Variants in SLC26A8 observed in about 807,000 individuals in gnomAD.
SLC26A8 encodes solute carrier family 26 member 8, also known as testis anion transporter 1.
A neutral mutation model predicts 105.0 loss-of-function variants in SLC26A8; 70 were observed. That is an observed-to-expected ratio of 0.67 (90% CI 0.55 to 0.81). The LOEUF (loss-of-function observed/expected upper bound fraction) is 0.81. Among genes scored for constraint, SLC26A8 ranks in the 40% least tolerant of loss-of-function variants. The pLI is 0.00. For missense variants in SLC26A8, 998 were observed against 1,181.8 expected (o/e 0.84, Z 2.28); for synonymous variants, 415 against 438.3 (o/e 0.95, Z 0.66).
chr6:35,964,646 CA>C (rs35623179), intron 11 of SLC26A8, among the ~76,000 whole-genome samples: 72 of 137,316 alleles, frequency 5.2e-4, no homozygotes, highest in Middle Eastern at 3.8e-3. Context: ...GACTCTGTCT[CA>C]AAAAAAAAAA....
At chr6:35,947,906 G>A (rs942885571) in intron 19 of SLC26A8, among the ~76,000 whole-genome samples, 3 of 152,176 alleles carry the variant, frequency 2.0e-5, no homozygotes, top group Non-Finnish European at 2.9e-5. Flanking sequence ...ACTTCAGCCT[G>A]GGTGACAGAG....
Position 36,024,570 on chromosome 6 carries a change from C to T in SLC26A8, c.-69G>A, listed in dbSNP as rs1283372108. 5.3e-6 allele frequency: 2 copies of T among 374,012 alleles called. No homozygotes were observed. The highest frequency in any genetic ancestry group is 3.5e-5 in the Admixed American group (1 of 28,620). 23.2% of individuals were successfully genotyped at this position (374,012 alleles called of 1,614,324 possible). ...CACACGGCTCTCGCCTGGCTGGCGG[C>T]GCTGCGGACGCGGATACCGGCGGCG... On this transcript the variant is annotated 5_prime_UTR_variant, in exon 1 of 20. Transcript: ENST00000490799.
At chr6:35,984,579 C>A (rs1019317250) in intron 7 of SLC26A8, among the ~76,000 whole-genome samples, 35 of 152,102 alleles carry the variant, frequency 2.3e-4, no homozygotes, top group African/African-American at 8.0e-4. Context: ...CTGCCTCTGC[C>A]TCCCAAAGTG....
chr6:35,951,100 C>CACCCAACCCCCCCCAGCCCACAA, intron 19 of SLC26A8, 63 bp downstream of exon 19: 5 of 1,364,756 alleles, frequency 3.7e-6, no homozygotes, highest in Non-Finnish European at 5.1e-6. Flanking sequence ...AACCACCCCT[C>CACCCAACCCCCCCCAGCCCACAA]ACCCATCCCC....
At chr6:36,018,085 A>C (rs1762040439) in intron 2 of SLC26A8, among the ~76,000 whole-genome samples, 1 of 152,244 alleles carries the variant, frequency 6.6e-6, no homozygotes, top group South Asian at 2.1e-4. Flanking sequence ...TGAAAATGTA[A>C]AGTGGTGCAG....
At chr6:35,984,319 A>ATTTTTTTT (rs59314649) in intron 7 of SLC26A8, among the ~76,000 whole-genome samples, 2 of 116,548 alleles carry the variant, frequency 1.7e-5, no homozygotes, top group African/African-American at 3.2e-5. Flanking sequence ...TCTTCTTCTT[A>ATTTTTTTT]TTTTTTTTTT....
At position 35,995,568 on chromosome 6, in the gene SLC26A8, C is replaced by T. The variant is rs201093002; in HGVS notation, c.627+2170G>A. On this transcript the variant is annotated intron_variant, in intron 5 of 19. Coordinates refer to ENST00000490799, the MANE Select transcript of SLC26A8 (RefSeq NM_052961.4). Reference sequence around the variant, plus strand: ...ACTGAATCCCAGTTTGGTGTCTTAGCTATGTGACCTTGGGCAATTTTCTTA... The same window carrying T: ...ACTGAATCCCAGTTTGGTGTCTTAGTTATGTGACCTTGGGCAATTTTCTTA... Among the ~76,000 whole-genome samples, 35 of 152,298 alleles carry T rather than the reference C, an allele frequency of 2.3e-4. No individual in the cohort carries two copies. The East Asian group carries it at 6.4e-3, about 28-fold the overall frequency.
chr6:35,970,709 G>T (rs1178085087), intron 10 of SLC26A8, among the ~76,000 whole-genome samples: 1 of 152,110 alleles, frequency 6.6e-6, no homozygotes, highest in East Asian at 1.9e-4. Context: ...AACAAAGGCA[G>T]GCAGACACAA....
chr6:36,012,304 T>C lies in SLC26A8; in HGVS notation c.257A>G (p.Tyr86Cys). ...TCCCAGAAGCCAATCCTTTAATCGA[T>C]ACATACACATCCATTCTAGGAAGGG... ...IFPFLEWMCM[Y>C]RLKDWLLGDL... The change falls in exon 3 of 20, where the codon TAT (tyrosine) becomes TGT (cysteine). Residue 86 changes from tyrosine (Y) to cysteine (C), a missense_variant. Tyr to Cys is a radical substitution (Grantham distance 194). Transcript: ENST00000490799. 6 of 1,611,806 alleles carry C rather than the reference T, an allele frequency of 3.7e-6. No individual in the cohort carries two copies. Among genetic ancestry groups the C allele is most frequent in the Non-Finnish European group, 5.1e-6 (6 of 1,179,236 alleles).
intron 8 of SLC26A8, among the ~76,000 whole-genome samples, chr6:35,977,882 C>T (rs994297449): frequency 6.6e-6 from 1 of 151,976 alleles, no homozygotes; most frequent in Non-Finnish European, 1.5e-5. Flanking sequence ...GTCAGGAGTT[C>T]GAGATCAGCC....
chr6:35,992,457 G>T, intron 6 of SLC26A8, 53 bp downstream of exon 6: 1 of 1,552,178 alleles, frequency 6.4e-7, no homozygotes. Context: ...ACTTTTCTTT[G>T]GAGGCAAGAG....
chr6:35,952,797 C>T lies in SLC26A8; in HGVS notation c.2233-1298G>A, dbSNP rs180742602. On this transcript the variant is annotated intron_variant, in intron 17 of 19. Transcript: ENST00000490799. ...TTGGGAGGCTGAGGCAAGCAGATCA[C>T]GAGGTCAGAAGTTCGAGACAAGCCT... Among the ~76,000 whole-genome samples the T allele has an allele frequency of 2.6e-4, 39 of 152,068 alleles. 1 individual carries two copies. The South Asian group carries it at 5.6e-3, about 22-fold the overall frequency.
chr6:35,951,503 T>G lies in SLC26A8; in HGVS notation c.2233-4A>C, dbSNP rs1056357749. 2.5e-6 allele frequency: 4 copies of G among 1,613,872 alleles called. No individual in the cohort carries two copies. The African/African-American group carries it at 5.3e-5, about 22-fold the overall frequency. ...CGTTTTGAAAGGCATTGCATATCTG[T>G]GGGGGGAGAGAAAACCAGTATCAGA... On this transcript the variant is annotated splice_region_variant and splice_polypyrimidine_tract_variant and intron_variant, in intron 17 of 19. Transcript: ENST00000490799.
intron 7 of SLC26A8, among the ~76,000 whole-genome samples, chr6:35,987,301 G>T (rs1452705994): frequency 6.6e-6 from 1 of 152,200 alleles, no homozygotes; most frequent in Non-Finnish European, 1.5e-5. Context: ...TCCATGGTGG[G>T]TTGGTATCTC....
chr6:35,998,277 C>T (rs1473918946), intron 4 of SLC26A8, among the ~76,000 whole-genome samples: 2 of 151,976 alleles, frequency 1.3e-5, no homozygotes, highest in Non-Finnish European at 2.9e-5. Context: ...AAGCAATCAC[C>T]GGGCATGGTG....
chr6:36,015,269 T>G (rs897607204), intron 2 of SLC26A8, among the ~76,000 whole-genome samples: 1 of 151,982 alleles, frequency 6.6e-6, no homozygotes, highest in Non-Finnish European at 1.5e-5. Context: ...CGTGCCACCA[T>G]GTCCAGCTAA....
In SLC26A8 at chr6:35,978,314, C is replaced by T. The variant is rs1005329858; in HGVS notation, c.1026-963G>A. On this transcript the variant is annotated intron_variant, in intron 8 of 19. Transcript: ENST00000490799. Reference sequence around the variant, plus strand: ...AACAGTCAGAAATCAAGCACAATATCAACAGACTATAGAAGGAAAAAAAAA... The same window carrying T: ...AACAGTCAGAAATCAAGCACAATATTAACAGACTATAGAAGGAAAAAAAAA... Among the ~76,000 whole-genome samples the T allele has an allele frequency of 2.0e-5, 3 of 151,960 alleles. No individual in the cohort carries two copies. In the East Asian group the frequency reaches 5.8e-4, roughly 29 times the overall value.
At chr6:35,966,798 T>A (rs1772533325) in intron 11 of SLC26A8, among the ~76,000 whole-genome samples, 1 of 152,174 alleles carries the variant, frequency 6.6e-6, no homozygotes, top group Non-Finnish European at 1.5e-5. Flanking sequence ...AACTGCTCAC[T>A]CAGAAACATG....
chr6:35,984,323 T>C (rs1295762949), intron 7 of SLC26A8, among the ~76,000 whole-genome samples: 15 of 50,258 alleles, frequency 3.0e-4, no homozygotes, highest in African/African-American at 4.3e-4. Flanking sequence ...CTTCTTATTT[T>C]TTTTTTTTTT....
Sources: allele counts gnomAD v4.1 joint callset (sites outside exome capture counted in the v4.1 genomes callset), GRCh38; gene constraint gnomAD v4.1.1; transcripts MANE v1.5; gene names NCBI Gene and HGNC (gene_info 2026-07-23, HGNC 2026-07-21).